The following RAPGEF4 variants were observed in gnomAD, a reference collection of about 807,000 sequenced individuals.
RAPGEF4 encodes Rap guanine nucleotide exchange factor 4.
In RAPGEF4, 66 loss-of-function variants were observed where a neutral mutation model predicts 147.9. The observed-to-expected ratio is 0.45, with a 90% confidence interval of 0.37 to 0.55. The LOEUF (loss-of-function observed/expected upper bound fraction) is 0.55, where lower values mean the gene tolerates loss of function less well. Ranked by LOEUF, RAPGEF4 falls within the 20% of genes least tolerant of loss-of-function variation. RAPGEF4 has a pLI of 0.00. For synonymous variants in RAPGEF4, 419 were observed against 442.7 expected (o/e 0.95, Z 0.67); for missense variants, 1,071 against 1,257.3 (o/e 0.85, Z 2.24).
intron 3 of RAPGEF4, among the ~76,000 whole-genome samples, chr2:172,801,040 G>A (rs1318405348): frequency 6.6e-6 from 1 of 152,140 alleles, no homozygotes; most frequent in Admixed American, 6.5e-5. Context: ...TGGCTCGTGT[G>A]AGGGGTTCCA....
chr2:172,823,540 G>A (rs1689324379), intron 4 of RAPGEF4, among the ~76,000 whole-genome samples: 1 of 152,194 alleles, frequency 6.6e-6, no homozygotes, highest in Non-Finnish European at 1.5e-5. Context: ...GGGGGATACT[G>A]TTAAGCGCTT....
intron 1 of RAPGEF4, among the ~76,000 whole-genome samples, chr2:172,794,376 A>G (rs919912885): frequency 1.3e-5 from 2 of 151,982 alleles, no homozygotes; most frequent in African/African-American, 4.8e-5. Flanking sequence ...GAAAAAAGAA[A>G]AAAGCAGACA....
At chr2:172,802,175 G>T (rs1418972477) in intron 3 of RAPGEF4, among the ~76,000 whole-genome samples, 1 of 152,110 alleles carries the variant, frequency 6.6e-6, no homozygotes, top group Non-Finnish European at 1.5e-5. Flanking sequence ...AATACATGAG[G>T]GAGACCACCT....
At chr2:172,763,644 T>C (rs1057083756) in intron 1 of RAPGEF4, among the ~76,000 whole-genome samples, 1 of 152,192 alleles carries the variant, frequency 6.6e-6, no homozygotes, top group African/African-American at 2.4e-5. Context: ...GCCAGGAACA[T>C]GTACATGAAT....
intron 4 of RAPGEF4, among the ~76,000 whole-genome samples, chr2:172,885,072 A>T (rs1697033601): frequency 6.6e-6 from 1 of 152,174 alleles, no homozygotes; most frequent in South Asian, 2.1e-4. Flanking sequence ...GGTTTTCTTC[A>T]ATGCTGGGGG....
At chr2:172,845,361 T>A (rs1449220629) in intron 4 of RAPGEF4, among the ~76,000 whole-genome samples, 1 of 152,174 alleles carries the variant, frequency 6.6e-6, no homozygotes, top group Admixed American at 6.5e-5. Flanking sequence ...GTTCAGGGAA[T>A]GGCCCTGCAT....
intron 23 of RAPGEF4, 129 bp downstream of exon 23, chr2:173,020,844 A>C (rs1414572782): frequency 1.5e-6 from 1 of 665,878 alleles, no homozygotes; most frequent in African/African-American, 1.8e-5. Context: ...CTTTTTCTGC[A>C]GTCTATTAGG....
chr2:172,778,820 G>A (rs557305269), intron 1 of RAPGEF4, among the ~76,000 whole-genome samples: 74 of 152,058 alleles, frequency 4.9e-4, no homozygotes, highest in African/African-American at 1.7e-3. Flanking sequence ...AAAGTGAAAG[G>A]GATCTCACAG....
intron 4 of RAPGEF4, among the ~76,000 whole-genome samples, chr2:172,892,801 C>T (rs1234582380): frequency 1.3e-5 from 2 of 152,180 alleles, no homozygotes; most frequent in African/African-American, 2.4e-5. Flanking sequence ...TCTGCTTTCA[C>T]GTTCTGCTTT....
intron 1 of RAPGEF4, among the ~76,000 whole-genome samples, chr2:172,744,898 A>T (rs1422188143): frequency 6.6e-6 from 1 of 152,090 alleles, no homozygotes; most frequent in East Asian, 1.9e-4. Context: ...AATATAGTGA[A>T]TTTACATTGT....
chr2:172,786,517 T>TA (rs1685218711), intron 1 of RAPGEF4, among the ~76,000 whole-genome samples: 1 of 152,232 alleles, frequency 6.6e-6, no homozygotes, highest in Non-Finnish European at 1.5e-5. Flanking sequence ...GAGAGCCATT[T>TA]AAAATGTCAT....
intron 22 of RAPGEF4, 54 bp from the exon 23 acceptor site, chr2:173,020,564 G>A (rs978170046): frequency 1.3e-5 from 18 of 1,403,640 alleles, no homozygotes; most frequent in South Asian, 1.2e-5. Flanking sequence ...TTAGGGCAGT[G>A]CAGCAAATCT....
rs1488522193 is a variant in RAPGEF4 at position 173,020,675 on chromosome 2, G to A, written c.2213G>A (p.Gly738Glu). ...VSVFTTLTIN[G>E]RLFACPREQF... ...GTATTTACGACGCTCACCATTAATGGACGCCTGTTTGCTTGCCCGCGAGAG... is the reference window on the plus strand; with the variant it reads ...GTATTTACGACGCTCACCATTAATGAACGCCTGTTTGCTTGCCCGCGAGAG... The change falls in exon 23 of 31, where the codon GGA (glycine) becomes GAA (glutamate). Residue 738 changes from glycine to glutamate, a missense_variant. Transcript: ENST00000397081. The A allele has an allele frequency of 5.6e-6, 9 of 1,613,840 alleles. No individual in the cohort carries two copies. Among genetic ancestry groups the A allele is most frequent in the Admixed American group, 1.7e-5 (1 of 59,950 alleles).
At chr2:173,028,113 A>G (rs888592898) in intron 25 of RAPGEF4, among the ~76,000 whole-genome samples, 1 of 152,256 alleles carries the variant, frequency 6.6e-6, no homozygotes, top group Admixed American at 6.5e-5. Flanking sequence ...TTGACATTTT[A>G]TAGATATCAG....
intron 1 of RAPGEF4, among the ~76,000 whole-genome samples, chr2:172,774,339 TA>T (rs1158936867): frequency 7.2e-5 from 11 of 152,230 alleles, no homozygotes; most frequent in Non-Finnish European, 1.6e-4. Context: ...GTTAGCAGAA[TA>T]AAGTCTGTGC....
At chr2:172,948,369 A>G (rs1687888030) in intron 6 of RAPGEF4, among the ~76,000 whole-genome samples, 1 of 152,198 alleles carries the variant, frequency 6.6e-6, no homozygotes, top group Admixed American at 6.5e-5. Context: ...TTTTAGATAT[A>G]TGTATGTGCA....
rs190695640 is a variant in RAPGEF4 at position 172,917,426 on chromosome 2, T to C, written c.445-376T>C. The C allele has an allele frequency of 2.6e-4, 136 of 519,990 alleles. No homozygotes were observed. In the East Asian group the frequency reaches 6.3e-3, roughly 24 times the overall value. The allele number at this position is 519,990 out of a possible 1,614,324, so 32.2% of individuals were successfully genotyped here. ...ATTCACCTATTAAGTAGGCAGCACA[T>C]TTATTTGTATCTGCATCTATAAAGC... On this transcript the variant is annotated intron_variant, in intron 4 of 30. Coordinates refer to ENST00000397081, the MANE Select transcript of RAPGEF4 (RefSeq NM_007023.4).
At chr2:173,044,653 G>A (rs941532050) in intron 29 of RAPGEF4, among the ~76,000 whole-genome samples, 2 of 152,070 alleles carry the variant, frequency 1.3e-5, no homozygotes, top group Non-Finnish European at 2.9e-5. Context: ...CATAAGCTCC[G>A]AAGACCTGTA....
At chr2:172,864,902 C>T (rs1045279736) in intron 4 of RAPGEF4, among the ~76,000 whole-genome samples, 3 of 152,184 alleles carry the variant, frequency 2.0e-5, no homozygotes, top group Admixed American at 1.3e-4. Context: ...TAGACTCTGT[C>T]TCAAAAACAA....
Sources: allele counts gnomAD v4.1 joint callset (sites outside exome capture counted in the v4.1 genomes callset), GRCh38; gene constraint gnomAD v4.1.1; transcripts MANE v1.5; gene names NCBI Gene and HGNC (gene_info 2026-07-23, HGNC 2026-07-21).